Variants in INF2 observed in about 807,000 individuals in gnomAD.
The protein encoded by INF2 is inverted formin-2.
A neutral mutation model predicts 123.5 loss-of-function variants in INF2; 43 were observed. The observed-to-expected ratio is 0.35, with a 90% CI of 0.27 to 0.45. The LOEUF (loss-of-function observed/expected upper bound fraction) is 0.45, where lower values mean the gene tolerates loss of function less well. Among genes scored for constraint, INF2 ranks in the 20% least tolerant of loss-of-function variants. INF2 has a pLI of 1.00. For missense variants in INF2, 1,453 were observed against 1,682.7 expected (o/e 0.86, Z 2.39); for synonymous variants, 851 against 745.0 (o/e 1.14, Z -2.32).
Position 104,721,698 on chromosome 14 carries a change from T to G in INF2, c.*2905T>G, listed in dbSNP as rs888632007. ...GGGTGGGGTCACCTACAAGGTCATCTGCAGCAAGTGAGACCATCGCCCCTC... is the reference window on the plus strand; with the variant it reads ...GGGTGGGGTCACCTACAAGGTCATCGGCAGCAAGTGAGACCATCGCCCCTC... On this transcript the variant is annotated 3_prime_UTR_variant, in exon 23 of 23. Coordinates refer to ENST00000392634, the MANE Select transcript of INF2 (RefSeq NM_022489.4). 1.3e-5 allele frequency: 2 copies of G among 152,320 alleles called. No homozygotes were observed. The highest frequency in any genetic ancestry group is 2.9e-5 in the Non-Finnish European group (2 of 68,088). The allele number at this position is 152,320 out of a possible 1,614,324, so 9.4% of individuals were successfully genotyped here.
At position 104,699,586 on chromosome 14, in the gene INF2, CTT is replaced by C. The variant is rs1276300505; in HGVS notation, c.-9-1770_-9-1769del. 2.0e-6 allele frequency: 2 copies of C among 984,712 alleles called. No homozygotes were observed. The highest frequency in any genetic ancestry group is 2.4e-6 in the Non-Finnish European group (2 of 829,758). 61.0% of individuals were successfully genotyped at this position (984,712 alleles called of 1,614,324 possible). ...GGGTGGGCAGAGGTGGCCGGAAGGT[CTT>C]GCGCATCTGGGTGAGTGGACGGCCA... On this transcript the variant is annotated intron_variant, in intron 1 of 22. Transcript: ENST00000392634. The surrounding 1 kb of genome is among the most constrained non-coding windows in gnomAD (Gnocchi z 4.7).
intron 16 of INF2, 137 bp from the exon 17 acceptor site, chr14:104,712,296 C>T (rs1890088321): frequency 8.4e-7 from 1 of 1,188,068 alleles, no homozygotes; most frequent in South Asian, 1.4e-5. Flanking sequence ...TCAACCCCAA[C>T]ACTGCACGTG....
At chr14:104,697,510 G>A (rs1198058269) in intron 1 of INF2, among the ~76,000 whole-genome samples, 1 of 152,252 alleles carries the variant, frequency 6.6e-6, no homozygotes, top group Admixed American at 6.5e-5. Flanking sequence ...GTCTAGTGAA[G>A]GCCAGCATGG....
chr14:104,718,202 G>T (rs1173815580), intron 22 of INF2, among the ~76,000 whole-genome samples: 1 of 152,274 alleles, frequency 6.6e-6, no homozygotes, highest in Non-Finnish European at 1.5e-5. Flanking sequence ...GGGGAGCTGG[G>T]ACACCACCTG....
intron 22 of INF2, 114 bp downstream of exon 22, chr14:104,715,454 T>G: frequency 3.0e-6 from 3 of 1,013,520 alleles, no homozygotes; most frequent in Non-Finnish European, 4.7e-6. Context: ...CCAGCCCGCG[T>G]GGTGCGTCAG....
chr14:104,703,152 C>T lies in INF2; in HGVS notation c.439C>T (p.Leu147=), dbSNP rs766257951. ...GGTGAAGAAGCAGGTGTTTGAGCTACTGGCTGCCCTGTGCATCTACTCTCC... is the reference window on the plus strand; with the variant it reads ...GGTGAAGAAGCAGGTGTTTGAGCTATTGGCTGCCCTGTGCATCTACTCTCC... ...VMVKKQVFEL[L]AALCIYSPEG... The change falls in exon 3 of 23, where the codon CTG becomes TTG. Residue 147 remains leucine, a synonymous_variant. Coordinates refer to ENST00000392634, the MANE Select transcript of INF2 (RefSeq NM_022489.4). The T allele has an allele frequency of 6.2e-7, 1 of 1,613,674 alleles. No homozygotes were observed. Among genetic ancestry groups the T allele is most frequent in the Admixed American group, 1.7e-5 (1 of 60,028 alleles).
Position 104,714,869 on chromosome 14 carries a change from GGGGCCCC to G in INF2, c.3694+18_3694+24del, listed in dbSNP as rs1890219271. On this transcript the variant is annotated intron_variant, in intron 21 of 22. Coordinates refer to ENST00000392634, the MANE Select transcript of INF2 (RefSeq NM_022489.4). Reference sequence around the variant, plus strand: ...AGGAGCCAGGAAGGTAACTCAGGGAGGGGCCCCGGGCACCGTCCCACGCCAGGGCGCT... The same window carrying G: ...AGGAGCCAGGAAGGTAACTCAGGGAGGGGCACCGTCCCACGCCAGGGCGCT... The G allele has an allele frequency of 6.5e-7, 1 of 1,535,780 alleles. No homozygotes were observed. The highest frequency in any genetic ancestry group is 1.4e-5 in the African/African-American group (1 of 72,014).
rs750280968 is a variant in INF2 at position 104,715,248 on chromosome 14, T to C, written c.3695-36T>C. ...CCGAGTCAGGGTTGCTTCTGTGTGA[T>C]AAGCCGTTGAGTGCGTTTCTTTTAT... On this transcript the variant is annotated intron_variant, in intron 21 of 22. Transcript: ENST00000392634. The C allele has an allele frequency of 1.9e-6, 3 of 1,607,870 alleles. No homozygotes were observed. In the Admixed American group the frequency reaches 5.0e-5, roughly 27 times the overall value.
At chr14:104,718,336 C>T (rs921945868) in intron 22 of INF2, among the ~76,000 whole-genome samples, 5 of 152,214 alleles carry the variant, frequency 3.3e-5, no homozygotes, top group Admixed American at 2.6e-4. Flanking sequence ...GTCTGGGTGG[C>T]GGGAGCTGTT....
intron 20 of INF2, 112 bp from the exon 21 acceptor site, chr14:104,714,091 T>G: frequency 1.1e-6 from 1 of 941,478 alleles, no homozygotes; most frequent in South Asian, 1.8e-5. Context: ...GGAGGCTTTC[T>G]GGGGAGGAGG....
chr14:104,707,023 G>A lies in INF2; in HGVS notation c.957G>A (p.Val319=). 6.3e-7 allele frequency: 1 copy of A among 1,587,476 alleles called. No individual in the cohort carries two copies. The highest frequency in any genetic ancestry group is 1.1e-5 in the South Asian group (1 of 88,672). ...QLLWEALESL[V]NRAVLLASDA... Reference sequence around the variant, plus strand: ...TCTGGGAGGCCCTGGAGAGCCTCGTGAACCGGGCCGTGCTCCTGGCCAGCG... The same window carrying A: ...TCTGGGAGGCCCTGGAGAGCCTCGTAAACCGGGCCGTGCTCCTGGCCAGCG... Residue 319 remains valine (V), a synonymous_variant, in exon 7 of 23, where the codon GTG becomes GTA. Transcript: ENST00000392634.
Position 104,699,664 on chromosome 14 carries a change from C to A in INF2, c.-9-1693C>A. 1.1e-6 allele frequency: 1 copy of A among 873,692 alleles called. No individual in the cohort carries two copies. Among genetic ancestry groups the A allele is most frequent in the Non-Finnish European group, 1.4e-6 (1 of 728,058 alleles). The allele number at this position is 873,692 out of a possible 1,614,324, so 54.1% of individuals were successfully genotyped here. A position where few individuals can be genotyped will look rare whatever the true frequency, so the allele number is the denominator to read the frequency against. ...GGGAGGGTGGCTTAAAACCACAGTG[C>A]ACCGGGGGCTCCGGGCTCTCCGTTC... is the stretch of plus-strand genomic sequence containing the variant. On this transcript the variant is annotated intron_variant, in intron 1 of 22. Coordinates refer to ENST00000392634, the MANE Select transcript of INF2 (RefSeq NM_022489.4). This position sits in a 1 kb window ranked among gnomAD's most constrained non-coding sequence, Gnocchi z 4.7.
chr14:104,702,667 G>T (rs927303879), intron 2 of INF2, among the ~76,000 whole-genome samples: 3 of 152,390 alleles, frequency 2.0e-5, no homozygotes, highest in African/African-American at 7.2e-5. Flanking sequence ...CGTCTCCCCA[G>T]CCTGGGCCTG....
At chr14:104,698,805 C>T (rs1268255530) in intron 1 of INF2, among the ~76,000 whole-genome samples, 16 of 152,160 alleles carry the variant, frequency 1.1e-4, no homozygotes, top group African/African-American at 4.8e-5. Context: ...CCTCAGCCTC[C>T]GGGGCCTCAG....
intron 6 of INF2, 109 bp from the exon 7 acceptor site, chr14:104,706,801 T>G: frequency 5.2e-5 from 63 of 1,220,048 alleles, no homozygotes; most frequent in Non-Finnish European, 6.0e-5. Flanking sequence ...TAGGGATCCG[T>G]GGGAATAGAG....
intron 7 of INF2, 22 bp downstream of exon 7, chr14:104,707,073 G>A (rs199804069): frequency 3.3e-5 from 51 of 1,564,822 alleles, no homozygotes; most frequent in Admixed American, 2.7e-4. Context: ...GGGCAGGGGC[G>A]TAGGCACAGC....
In INF2 at chr14:104,714,745, G is replaced by A. The variant is rs1064796974; in HGVS notation, c.3583G>A (p.Glu1195Lys). ...LDTSLDKSFS[E>K]DAVTDSSGSG... is the part of the protein sequence containing the mutation. ...CACATCCCTGGACAAGTCCTTCTCC[G>A]AGGATGCGGTGACCGACTCCTCGGG... is the stretch of plus-strand genomic sequence containing the variant. The change falls in exon 21 of 23, where the codon GAG (glutamate) becomes AAG (lysine). Residue 1195 changes from glutamate (E) to lysine (K), a missense_variant. Glu to Lys is a moderately conservative substitution (Grantham distance 56). This residue lies in a region of INF2 where 344 missense variants were observed against 333.1 expected (regional missense o/e 1.03). Coordinates refer to ENST00000392634, the MANE Select transcript of INF2 (RefSeq NM_022489.4). 11 of 1,601,346 alleles carry A rather than the reference G, an allele frequency of 6.9e-6. No homozygotes were observed. The highest frequency in any genetic ancestry group is 5.1e-5 in the Admixed American group (3 of 58,782).
rs986685717 is a variant in INF2 at position 104,719,434 on chromosome 14, G to C, written c.*641G>C. ...CTCCCAGTGCCAGCTGCCCAGCGTG[G>C]GCAGGCCCTGGGGACAATACAGGTC... On this transcript the variant is annotated 3_prime_UTR_variant, in exon 23 of 23. Transcript: ENST00000392634. 1 of 152,398 alleles carries C rather than the reference G, an allele frequency of 6.6e-6. No homozygotes were observed. 9.4% of individuals were successfully genotyped at this position (152,398 alleles called of 1,614,324 possible). A position where few individuals can be genotyped will look rare whatever the true frequency, so the allele number is the denominator to read the frequency against.
In INF2 at chr14:104,709,400, C is replaced by G. The variant is rs761477739; in HGVS notation, c.2052+17C>G. On this transcript the variant is annotated intron_variant, in intron 11 of 22. Coordinates refer to ENST00000392634, the MANE Select transcript of INF2 (RefSeq NM_022489.4). ...AAGCACGAGGTAAGAGGACCACCCC[C>G]ACACCCCACCCCCAGTTAGTGCCAC... 6.3e-7 allele frequency: 1 copy of G among 1,583,678 alleles called. No homozygotes were observed. Among genetic ancestry groups the G allele is most frequent in the South Asian group, 1.1e-5 (1 of 90,508 alleles).
Sources: gnomAD v4.1 joint callset for allele counts (sites outside exome capture counted in the v4.1 genomes callset) on GRCh38, gnomAD v4.1.1 for gene constraint, gnomAD v4.1.1 regional missense constraint, Gnocchi (gnomAD v3.1) non-coding constraint, MANE v1.5 for transcripts, NCBI Gene and HGNC (gene_info 2026-07-23, HGNC 2026-07-21) for gene names.